REDIC1: variants seen among roughly 807,000 people sequenced by gnomAD.
The protein encoded by REDIC1 is regulator of DNA class I crossover intermediates 1.
chr12:39,732,033 T>G, the REDIC1 span, among the ~76,000 whole-genome samples: 1 of 152,072 alleles, frequency 6.6e-6, no homozygotes, highest in South Asian at 2.1e-4. Flanking sequence ...CCTCCATCCC[T>G]CCAAAAGTAA....
the REDIC1 span, among the ~76,000 whole-genome samples, chr12:39,786,584 C>T: frequency 1.3e-5 from 2 of 152,144 alleles, no homozygotes; most frequent in African/African-American, 2.4e-5. Flanking sequence ...GCATATAAAG[C>T]ACAAGGAGAG....
the REDIC1 span, among the ~76,000 whole-genome samples, chr12:39,826,088 AAT>A: frequency 6.6e-6 from 1 of 152,110 alleles, no homozygotes. Context: ...AATTTACTGA[AAT>A]ATCTATACAT....
At chr12:39,794,158 A>C in the REDIC1 span, among the ~76,000 whole-genome samples, 1 of 148,312 alleles carries the variant, frequency 6.7e-6, no homozygotes, top group African/African-American at 2.4e-5. Flanking sequence ...AACCAAAACA[A>C]AACCTCCCTT....
chr12:39,638,110 C>A, the REDIC1 span, among the ~76,000 whole-genome samples: 1 of 151,934 alleles, frequency 6.6e-6, no homozygotes, highest in Non-Finnish European at 1.5e-5. Flanking sequence ...CAAACAACAA[C>A]AACAAAAAAC....
At chr12:39,794,123 C>CAA in the REDIC1 span, among the ~76,000 whole-genome samples, 44 of 78,338 alleles carry the variant, frequency 5.6e-4, 1 homozygote, top group African/African-American at 2.2e-3. Flanking sequence ...GGCCAAATTG[C>CAA]AAAAAAAAAA....
At chr12:39,898,387 C>T in the REDIC1 span, among the ~76,000 whole-genome samples, 1 of 152,258 alleles carries the variant, frequency 6.6e-6, no homozygotes, top group African/African-American at 2.4e-5. Context: ...CTACAAATCT[C>T]ATGCTAGAAA....
chr12:39,849,859 C>G, the REDIC1 span, among the ~76,000 whole-genome samples: 1 of 151,716 alleles, frequency 6.6e-6, no homozygotes, highest in Non-Finnish European at 1.5e-5. Context: ...TCTTTTTTTT[C>G]TGGTGAGATT....
chr12:39,788,620 T>C, the REDIC1 span: 4 of 152,156 alleles, frequency 2.6e-5, no homozygotes, highest in Admixed American at 2.6e-4. Flanking sequence ...AAACCATGGA[T>C]AAGGGAGGAC....
chr12:39,663,346 C>G, the REDIC1 span, among the ~76,000 whole-genome samples: 4 of 151,904 alleles, frequency 2.6e-5, no homozygotes, highest in Non-Finnish European at 4.4e-5. Flanking sequence ...TGAATTGATC[C>G]TTTTACCATT....
chr12:39,726,229 G>A, the REDIC1 span, among the ~76,000 whole-genome samples: 1 of 151,428 alleles, frequency 6.6e-6, no homozygotes, highest in African/African-American at 2.4e-5. Flanking sequence ...TGTTACATAG[G>A]TATACATGTG....
At chr12:39,639,002 AC>A in the REDIC1 span, among the ~76,000 whole-genome samples, 1 of 151,996 alleles carries the variant, frequency 6.6e-6, no homozygotes, top group Admixed American at 6.6e-5. Flanking sequence ...TATACAATAA[AC>A]ATTTATTTTT....
chr12:39,711,608 CATGTGTATGTGTATACACGTATGTGTAT>C, the REDIC1 span, among the ~76,000 whole-genome samples: 4 of 104,644 alleles, frequency 3.8e-5, no homozygotes, highest in African/African-American at 1.3e-4. Flanking sequence ...TATACACATG[CATGTGTATGTGTATACACGTATGTGTAT>C]ATGTGTATAC....
chr12:39,820,991 A>G, the REDIC1 span, among the ~76,000 whole-genome samples: 6 of 151,742 alleles, frequency 4.0e-5, no homozygotes, highest in Admixed American at 1.3e-4. Flanking sequence ...GTGTTCCCCA[A>G]ACTTCTACTT....
chr12:39,628,814 C>T, the REDIC1 span, among the ~76,000 whole-genome samples: 1 of 152,064 alleles, frequency 6.6e-6, no homozygotes, highest in African/African-American at 2.4e-5. Flanking sequence ...GTTCTAAGTG[C>T]TTATTCATTT....
At chr12:39,875,909 A>G in the REDIC1 span, among the ~76,000 whole-genome samples, 1 of 152,180 alleles carries the variant, frequency 6.6e-6, no homozygotes, top group Admixed American at 6.5e-5. Flanking sequence ...TTGCATTTTC[A>G]AGGGACTGTA....
At chr12:39,751,008 A>G in the REDIC1 span, among the ~76,000 whole-genome samples, 1 of 152,192 alleles carries the variant, frequency 6.6e-6, no homozygotes, top group Non-Finnish European at 1.5e-5. Flanking sequence ...ATGGGCAAGG[A>G]CTTCATGTCT....
At chr12:39,895,122 G>A in the REDIC1 span, among the ~76,000 whole-genome samples, 1 of 152,040 alleles carries the variant, frequency 6.6e-6, no homozygotes, top group South Asian at 2.1e-4. Context: ...TCCCACCTCA[G>A]CCTCCCAAGT....
the REDIC1 span, among the ~76,000 whole-genome samples, chr12:39,691,131 A>C: frequency 6.6e-6 from 1 of 152,064 alleles, no homozygotes; most frequent in Admixed American, 6.6e-5. Flanking sequence ...AAGGAAGTGG[A>C]GGATTGTGGG....
the REDIC1 span, among the ~76,000 whole-genome samples, chr12:39,726,340 G>A: frequency 6.6e-6 from 1 of 152,010 alleles, no homozygotes; most frequent in Admixed American, 6.6e-5. Context: ...AGGCTCCAGT[G>A]TGTGATGTTC....
Sources: allele counts gnomAD v4.1 joint callset (sites outside exome capture counted in the v4.1 genomes callset), GRCh38; gene constraint gnomAD v4.1.1; transcripts MANE v1.5; gene names NCBI Gene and HGNC (gene_info 2026-07-23, HGNC 2026-07-21).